The following APC variants were observed in gnomAD, a reference collection of about 807,000 sequenced individuals.
APC encodes the protein APC regulator of Wnt signaling pathway.
APC carries 72 observed loss-of-function variants against 247.0 expected under a neutral mutation model. The ratio of observed to expected loss-of-function variants is 0.29; its 90% CI spans 0.24 to 0.35. The LOEUF (loss-of-function observed/expected upper bound fraction) is 0.35. APC is among the 10% of genes least tolerant of loss of function. The pLI is 1.00. For synonymous variants in APC, 1,254 were observed against 1,162.5 expected (o/e 1.08, Z -1.60); for missense variants, 3,400 against 3,360.7 (o/e 1.01, Z -0.29).
intron 1 of APC, among the ~76,000 whole-genome samples, chr5:112,718,450 T>C (rs1331646027): frequency 6.6e-6 from 1 of 152,242 alleles, no homozygotes; most frequent in African/African-American, 2.4e-5. Context: ...TATTTCTAGG[T>C]TGCAGCCCTT....
rs558950017 is a variant in APC at position 112,833,286 on chromosome 5, G to A, written c.1744-1665G>A. Among the ~76,000 whole-genome samples, 6 of 150,998 alleles carry A rather than the reference G, an allele frequency of 4.0e-5. No homozygotes were observed. The South Asian group carries it at 8.4e-4, about 21-fold the overall frequency. On this transcript the variant is annotated intron_variant, in intron 14 of 15. Transcript: ENST00000257430. Reference sequence around the variant, plus strand: ...CAACCTCTGCCTCCCTGGTTCAAGCGATTCCCCTGCCTCAGCCTCCCAAGT... The same window carrying A: ...CAACCTCTGCCTCCCTGGTTCAAGCAATTCCCCTGCCTCAGCCTCCCAAGT...
At chr5:112,729,770 A>G (rs1365985919) in intron 1 of APC, among the ~76,000 whole-genome samples, 11 of 152,222 alleles carry the variant, frequency 7.2e-5, no homozygotes, top group Non-Finnish European at 7.3e-5. Context: ...AATGTAGTAT[A>G]TTCACTAGAG....
At chr5:112,787,854 T>C (rs971503873) in intron 6 of APC, among the ~76,000 whole-genome samples, 1 of 152,174 alleles carries the variant, frequency 6.6e-6, no homozygotes, top group Non-Finnish European at 1.5e-5. Context: ...TTCTATTAGC[T>C]CCTTAATTCA....
chr5:112,824,641 C>T (rs1763461406), intron 11 of APC, among the ~76,000 whole-genome samples: 1 of 152,122 alleles, frequency 6.6e-6, no homozygotes, highest in Admixed American at 6.6e-5. Context: ...AAGAAAGTAT[C>T]CCAGTTATTG....
In APC at chr5:112,840,305, G is replaced by C. The variant is rs1306934370; in HGVS notation, c.4711G>C (p.Asp1571His). Residue 1571 changes from aspartate (D) to histidine (H), a missense_variant, in exon 16 of 16, where the codon GAT becomes CAT. Transcript: ENST00000257430. The surrounding 1 kb of genome is among the most constrained non-coding windows in gnomAD (Gnocchi z 4.1). ...KDLLDDSDDD[D>H]IEILEECIIS... ...CCTATTAGATGATTCAGATGATGAT[G>C]ATATTGAAATACTAGAAGAATGTAT... 9.9e-6 allele frequency: 16 copies of C among 1,614,140 alleles called. No homozygotes were observed. The highest frequency in any genetic ancestry group is 1.4e-5 in the Non-Finnish European group (16 of 1,180,010).
chr5:112,755,057 A>G (rs376404273), intron 2 of APC, 32 bp downstream of exon 2: 102 of 1,611,760 alleles, frequency 6.3e-5, no homozygotes, highest in Non-Finnish European at 8.2e-5. Flanking sequence ...ATTGTAGTTT[A>G]TCCATTTTTA....
rs1561592010 is a variant in APC at position 112,839,970 on chromosome 5, CTG to C, written c.4377_4378del (p.Ala1460Ter). On this transcript the variant is annotated frameshift_variant, in exon 16 of 16. Transcript: ENST00000257430. LOFTEE classifies it high-confidence loss of function. The surrounding 1 kb of genome is among the most constrained non-coding windows in gnomAD (Gnocchi z 5.0). ...GAAGTACCTAAAAATAAAGCACCTA[CTG>C]CTGAAAAGAGAGAGAGTGGACCTAA... 1.9e-6 allele frequency: 3 copies of C among 1,614,088 alleles called. No individual in the cohort carries two copies.
chr5:112,733,409 G>A (rs1325544342), upstream of APC, among the ~76,000 whole-genome samples: 1 of 152,198 alleles, frequency 6.6e-6, no homozygotes, highest in Non-Finnish European at 1.5e-5. Flanking sequence ...CTTAAGAGTG[G>A]AAGAGGGAGG....
Position 112,818,287 on chromosome 5 carries a change from ATC to A in APC, c.934-677_934-676del, listed in dbSNP as rs768856414. On this transcript the variant is annotated intron_variant, in intron 9 of 15. Coordinates refer to ENST00000257430, the MANE Select transcript of APC (RefSeq NM_000038.6). ...ACTGGGTGCCACTTTCCGGTTTCTA[ATC>A]TGCTTCTAACTAAATACGTAGAATT... Among the ~76,000 whole-genome samples, 139 of 152,322 alleles carry A rather than the reference ATC, an allele frequency of 9.1e-4. 1 individual carries two copies. The highest frequency in any genetic ancestry group is 1.6e-3 in the Non-Finnish European group (110 of 68,022).
intron 8 of APC, among the ~76,000 whole-genome samples, chr5:112,814,544 T>A (rs1762304207): frequency 1.3e-5 from 2 of 152,194 alleles, no homozygotes; most frequent in South Asian, 4.1e-4. Flanking sequence ...AGCCAATTAA[T>A]TTGAATATCC....
At position 112,843,984 on chromosome 5, in the gene APC, G is replaced by A. The variant is rs1060503339; in HGVS notation, c.8390G>A (p.Ser2797Asn). 3.7e-6 allele frequency: 6 copies of A among 1,601,826 alleles called. No individual in the cohort carries two copies. The Admixed American group carries it at 6.9e-5, about 18-fold the overall frequency. The change falls in exon 16 of 16, where the codon AGC (serine) becomes AAC (asparagine). Residue 2797 changes from serine (S) to asparagine (N), a missense_variant. Ser to Asn is a conservative substitution (Grantham distance 46). Transcript: ENST00000257430. The surrounding 1 kb of genome is among the most constrained non-coding windows in gnomAD (Gnocchi z 4.8). Reference sequence around the variant, plus strand: ...AGCCCTAGGAAAAGCAGCGCAGATAGCACTTCAGCTCGGCCATCTCAGATC... The same window carrying A: ...AGCCCTAGGAAAAGCAGCGCAGATAACACTTCAGCTCGGCCATCTCAGATC... Reference protein sequence around the residue: ...NPSPRKSSADSTSARPSQIPT... With the variant: ...NPSPRKSSADNTSARPSQIPT...
intron 1 of APC, among the ~76,000 whole-genome samples, chr5:112,730,299 A>G (rs548812943): frequency 6.6e-6 from 1 of 152,336 alleles, no homozygotes; most frequent in African/African-American, 2.4e-5. Flanking sequence ...ACAGTTGAAC[A>G]AGTAACTTTT....
chr5:112,709,907 C>A (rs1300283846), intron 1 of APC, among the ~76,000 whole-genome samples: 1 of 152,090 alleles, frequency 6.6e-6, no homozygotes, highest in Non-Finnish European at 1.5e-5. Flanking sequence ...TGTCTCCTAA[C>A]AAACAAACAA....
At chr5:112,738,207 GTT>G (rs1561418902) in intron 1 of APC, 3 of 911,272 alleles carry the variant, frequency 3.3e-6, no homozygotes, top group Middle Eastern at 5.6e-4. Flanking sequence ...GCCAGAAGGG[GTT>G]TTTGTTTTTA....
At position 112,843,842 on chromosome 5, in the gene APC, G is replaced by A. The variant is rs986364513; in HGVS notation, c.8248G>A (p.Glu2750Lys). The A allele has an allele frequency of 6.2e-7, 1 of 1,614,052 alleles. No individual in the cohort carries two copies. The highest frequency in any genetic ancestry group is 8.5e-7 in the Non-Finnish European group (1 of 1,179,952). Residue 2750 changes from glutamate (E) to lysine (K), a missense_variant, in exon 16 of 16, where the codon GAG becomes AAG. Physicochemically the swap from Glu to Lys is moderately conservative, Grantham distance 56. Transcript: ENST00000257430. This position sits in a 1 kb window ranked among gnomAD's most constrained non-coding sequence, Gnocchi z 4.8. The stretch of plus-strand genomic sequence containing the variant: ...ACAAAATAATCCTGTCCCTGTATCA[G>A]AGACTAATGAAAGTTCTATAGTGGA... ...PGQNNPVPVS[E>K]TNESSIVERT...
At chr5:112,760,672 C>G (rs1448837759) in intron 2 of APC, among the ~76,000 whole-genome samples, 1 of 152,170 alleles carries the variant, frequency 6.6e-6, no homozygotes, top group African/African-American at 2.4e-5. Flanking sequence ...GATTTTGATA[C>G]TGTATAGGGT....
At chr5:112,787,666 A>T (rs938126876) in intron 6 of APC, among the ~76,000 whole-genome samples, 1 of 152,172 alleles carries the variant, frequency 6.6e-6, no homozygotes, top group Admixed American at 6.5e-5. Flanking sequence ...TGTTTGAGAG[A>T]TGTTTTAATA....
chr5:112,839,084 A>G lies in APC; in HGVS notation c.3490A>G (p.Ile1164Val), dbSNP rs1554085052. ...EEEERPTNYS[I>V]KYNEEKRHVD... ...AGAAGAGAGACCAACAAATTATAGC[A>G]TAAAATATAATGAAGAGAAACGTCA... Residue 1164 changes from isoleucine to valine, a missense_variant, in exon 16 of 16, where the codon ATA (isoleucine) becomes GTA (valine). Coordinates refer to ENST00000257430, the MANE Select transcript of APC (RefSeq NM_000038.6). The surrounding 1 kb of genome is among the most constrained non-coding windows in gnomAD (Gnocchi z 5.0). 2 of 1,614,122 alleles carry G rather than the reference A, an allele frequency of 1.2e-6. No individual in the cohort carries two copies. The highest frequency in any genetic ancestry group is 8.5e-7 in the Non-Finnish European group (1 of 1,179,994).
At chr5:112,815,637 T>A in intron 9 of APC, 44 bp downstream of exon 9, 1 of 1,504,908 alleles carries the variant, frequency 6.6e-7, no homozygotes, top group Non-Finnish European at 9.2e-7. Context: ...CCATGACTAC[T>A]TTGCTAAGAC....
Sources: allele counts gnomAD v4.1 joint callset (sites outside exome capture counted in the v4.1 genomes callset), GRCh38; gene constraint gnomAD v4.1.1; non-coding constraint Gnocchi (gnomAD v3.1); transcripts MANE v1.5; gene names NCBI Gene and HGNC (gene_info 2026-07-23, HGNC 2026-07-21).